DIS3L: variants seen among roughly 807,000 people sequenced by gnomAD.
DIS3L encodes the protein DIS3 like exosome 3'-5' exoribonuclease.
Under a neutral mutation model 120.3 loss-of-function variants are expected in DIS3L, and 100 were observed. The ratio of observed to expected loss-of-function variants is 0.83; its 90% CI spans 0.71 to 0.98. DIS3L has a LOEUF of 0.98. Among genes scored for constraint, DIS3L ranks in the 50% least tolerant of loss-of-function variants. DIS3L has a pLI of 0.00. For missense variants in DIS3L, 1,196 were observed against 1,314.2 expected (o/e 0.91, Z 1.39); for synonymous variants, 426 against 470.6 (o/e 0.91, Z 1.23).
intron 7 of DIS3L, among the ~76,000 whole-genome samples, chr15:66,317,345 GAAAAAAAA>G (rs796186674): frequency 0.027 from 3,636 of 135,450 alleles, 76 homozygotes; most frequent in Non-Finnish European, 0.038. Context: ...ATATTTGTGG[GAAAAAAAA>G]AAAAAAAAAG....
chr15:66,295,736 C>G (rs1474310033), intron 2 of DIS3L, among the ~76,000 whole-genome samples: 2 of 152,146 alleles, frequency 1.3e-5, no homozygotes, highest in African/African-American at 4.8e-5. Flanking sequence ...TAGCTGTCTA[C>G]CTTTTAAACA....
chr15:66,302,916 A>G (rs1365737104), intron 2 of DIS3L, among the ~76,000 whole-genome samples: 2 of 152,122 alleles, frequency 1.3e-5, no homozygotes, highest in East Asian at 1.9e-4. Flanking sequence ...GCCATCACCA[A>G]CATCTGTCTC....
chr15:66,297,499 T>C (rs2092600835), intron 2 of DIS3L, among the ~76,000 whole-genome samples: 1 of 152,216 alleles, frequency 6.6e-6, no homozygotes, highest in African/African-American at 2.4e-5. Flanking sequence ...ATGTATACAT[T>C]GTGGAAAGGC....
chr15:66,323,765 A>T (rs1238690296), intron 11 of DIS3L, among the ~76,000 whole-genome samples, 180 bp downstream of exon 11: 1 of 150,928 alleles, frequency 6.6e-6, no homozygotes, highest in Non-Finnish European at 1.5e-5. Flanking sequence ...AGGCAGCTTT[A>T]TTTCTCTAGC....
At chr15:66,309,414 GTGA>G (rs905875466) in intron 4 of DIS3L, among the ~76,000 whole-genome samples, 19 of 151,870 alleles carry the variant, frequency 1.3e-4, no homozygotes, top group Non-Finnish European at 2.1e-4. Context: ...AATAGTAATG[GTGA>G]TGATGATGAT....
rs56051005 is a variant in DIS3L, at chr15:66,321,550, T to C, written c.1326+818T>C. Among the ~76,000 whole-genome samples, 971 of 152,114 alleles carry C rather than the reference T, an allele frequency of 6.4e-3. 8 individuals carry two copies. Among genetic ancestry groups the C allele is most frequent in the African/African-American group, 0.022 (904 of 41,482 alleles). On this transcript the variant is annotated intron_variant, in intron 9 of 16. Coordinates refer to ENST00000319212, the MANE Select transcript of DIS3L (RefSeq NM_001143688.3). ...AGGCCAAGGCAGGTGAATCACCAGG[T>C]CAGGAGTTTGAGACCAGCCTGGCCA...
At chr15:66,306,437 A>C (rs541542979) in intron 2 of DIS3L, among the ~76,000 whole-genome samples, 3 of 152,336 alleles carry the variant, frequency 2.0e-5, no homozygotes, top group African/African-American at 2.4e-5. Flanking sequence ...TTATAGAACA[A>C]AGTGAGGTCC....
intron 7 of DIS3L, 79 bp from the exon 8 acceptor site, chr15:66,318,370 C>T: frequency 1.4e-6 from 2 of 1,451,092 alleles, no homozygotes; most frequent in East Asian, 2.5e-5. Context: ...TGTTCTTTTC[C>T]TTACTGCTTG....
chr15:66,328,093 T>C (rs1385007022), intron 12 of DIS3L, among the ~76,000 whole-genome samples: 2 of 152,234 alleles, frequency 1.3e-5, no homozygotes, highest in Non-Finnish European at 2.9e-5. Context: ...AGACATCCTC[T>C]TGGTTAATTC....
rs763003928 is a variant in DIS3L, at chr15:66,322,691, G to A, written c.1331G>A (p.Cys444Tyr). Residue 444 changes from cysteine (C) to tyrosine (Y), a missense_variant, in exon 10 of 17, where the codon TGT becomes TAT. Coordinates refer to ENST00000319212, the MANE Select transcript of DIS3L (RefSeq NM_001143688.3). ...SVIPFSEAQMCEMPVNTPESP... is the reference protein window; with the variant it reads ...SVIPFSEAQMYEMPVNTPESP... ...AATATTTGGTTTCTCATACAGATGT[G>A]TGAGATGCCAGTAAACACACCAGAA... 6.2e-7 allele frequency: 1 copy of A among 1,614,064 alleles called. No individual in the cohort carries two copies. Among genetic ancestry groups the A allele is most frequent in the Admixed American group, 1.7e-5 (1 of 60,004 alleles).
In DIS3L at chr15:66,309,094, A is replaced by AATATATATATATAT. The variant is rs1555401906; in HGVS notation, c.558+260_558+261insATATATATATATAT. ...CTTGTCTCTACAGAAAAAAAAAAAAAATATATATATCTCCAAGCATGGTGG... is the reference window on the plus strand; with the variant it reads ...CTTGTCTCTACAGAAAAAAAAAAAAAATATATATATATATATATATATATCTCCAAGCATGGTGG... On this transcript the variant is annotated intron_variant, in intron 4 of 16. Coordinates refer to ENST00000319212, the MANE Select transcript of DIS3L (RefSeq NM_001143688.3). Among the ~76,000 whole-genome samples the AATATATATATATAT allele has an allele frequency of 1.3e-4, 2 of 15,320 alleles. 1 individual carries two copies. The highest frequency in any genetic ancestry group is 3.9e-4 in the African/African-American group (2 of 5,122). The allele number at this position is 15,320 out of a possible 152,430, so 10.1% of individuals were successfully genotyped here. A position where few individuals can be genotyped will look rare whatever the true frequency, so the allele number is the denominator to read the frequency against.
chr15:66,296,684 C>G (rs1025080728), intron 2 of DIS3L, among the ~76,000 whole-genome samples: 1 of 151,822 alleles, frequency 6.6e-6, no homozygotes, highest in African/African-American at 2.4e-5. Flanking sequence ...CCACCACGCC[C>G]GGCTAATTTT....
intron 11 of DIS3L, among the ~76,000 whole-genome samples, chr15:66,324,029 T>C (rs2092912711): frequency 6.6e-6 from 1 of 152,334 alleles, no homozygotes; most frequent in South Asian, 2.1e-4. Context: ...AACTCATATG[T>C]CCCAAGAGGT....
rs1219128886 is a variant in DIS3L at position 66,331,179 on chromosome 15, T to A, written c.2536-696T>A. Among the ~76,000 whole-genome samples, 3 of 151,958 alleles carry A rather than the reference T, an allele frequency of 2.0e-5. No individual in the cohort carries two copies. In the East Asian group the frequency reaches 5.8e-4, roughly 30 times the overall value. On this transcript the variant is annotated intron_variant, in intron 14 of 16. Transcript: ENST00000319212. ...CAAAAAGAAGACAAAGAAACTTTAA[T>A]ACATATTACTAAATTGTCTTCCTTA...
intron 2 of DIS3L, among the ~76,000 whole-genome samples, chr15:66,296,303 G>A (rs543625572): frequency 1.4e-4 from 21 of 152,130 alleles, no homozygotes; most frequent in East Asian, 1.2e-3. Context: ...GAATTTAAAC[G>A]TTTTTTTCTC....
chr15:66,305,460 A>G (rs1595723798), intron 2 of DIS3L, among the ~76,000 whole-genome samples: 2 of 152,144 alleles, frequency 1.3e-5, no homozygotes, highest in African/African-American at 4.8e-5. Context: ...GTGTGGAAGG[A>G]AGGGTACAAA....
Position 66,293,646 on chromosome 15 carries a change from G to T in DIS3L, c.50G>T (p.Arg17Leu). ...CTGCTGCTGAGGACCTTCCAGGGCCGCACGCTGCGGATCGTGCGCGAGCAC... is the reference window on the plus strand; with the variant it reads ...CTGCTGCTGAGGACCTTCCAGGGCCTCACGCTGCGGATCGTGCGCGAGCAC... ...KVLLLRTFQG[R>L]TLRIVREHYL... The change falls in exon 1 of 17, where the codon CGC becomes CTC. Residue 17 changes from arginine to leucine, a missense_variant. Arg to Leu is a moderately radical substitution (Grantham distance 102, BLOSUM62 -2). Transcript: ENST00000319212. The T allele has an allele frequency of 7.0e-7, 1 of 1,438,456 alleles. No homozygotes were observed. Among genetic ancestry groups the T allele is most frequent in the Non-Finnish European group, 9.1e-7 (1 of 1,096,650 alleles). The allele number at this position is 1,438,456 out of a possible 1,614,324, so 89.1% of individuals were successfully genotyped here.
intron 6 of DIS3L, among the ~76,000 whole-genome samples, chr15:66,314,702 G>A (rs1029574090): frequency 3.9e-5 from 6 of 152,136 alleles, no homozygotes; most frequent in Non-Finnish European, 2.9e-5. Flanking sequence ...TGGCTGTGTA[G>A]GATCCTAAAG....
chr15:66,293,979 C>G (rs1357485163), intron 1 of DIS3L: 2 of 991,984 alleles, frequency 2.0e-6, no homozygotes, highest in East Asian at 1.1e-4. Context: ...TGGGAGGGCC[C>G]GACAGACCCG....
Sources: gnomAD v4.1 joint callset for allele counts (sites outside exome capture counted in the v4.1 genomes callset) on GRCh38, gnomAD v4.1.1 for gene constraint, MANE v1.5 for transcripts, NCBI Gene and HGNC (gene_info 2026-07-23, HGNC 2026-07-21) for gene names.